The following SCN3A variants were observed in gnomAD, a reference collection of about 807,000 sequenced individuals.
SCN3A encodes the protein sodium channel protein type 3 subunit alpha.
A neutral mutation model predicts 187.6 loss-of-function variants in SCN3A; 60 were observed. The ratio of observed to expected loss-of-function variants is 0.32; its 90% CI spans 0.26 to 0.40. The LOEUF is 0.40. Among genes scored for constraint, SCN3A ranks in the 10% least tolerant of loss-of-function variants. SCN3A has a pLI of 1.00. For missense variants in SCN3A, 1,601 were observed against 2,428.2 expected, an observed-to-expected ratio of 0.66 and a Z score of 7.16; for synonymous variants, 788 against 829.2, an observed-to-expected ratio of 0.95 and a Z score of 0.85.
rs769153045 is a variant in SCN3A, at chr2:165,112,995, T to G, written c.3733A>C (p.Lys1245Gln). 23 of 1,613,048 alleles carry G rather than the reference T, an allele frequency of 1.4e-5. No individual in the cohort carries two copies. The Admixed American group carries it at 3.5e-4, about 25-fold the overall frequency. ...TIKTMLEYAD[K>Q]VFTYIFILEM... is the part of the protein sequence containing the mutation. ...AGAATGAATATATAGGTAAAGACTT[T>G]GTCAGCATATTCTAGCATGGTTTTG... is the stretch of plus-strand genomic sequence containing the variant. Residue 1245 changes from lysine to glutamine, a missense_variant, in exon 21 of 28, where the codon AAA becomes CAA. Transcript: ENST00000283254.
intron 21 of SCN3A, among the ~76,000 whole-genome samples, chr2:165,104,841 T>C (rs1685769104): frequency 6.6e-6 from 1 of 152,182 alleles, no homozygotes; most frequent in Admixed American, 6.5e-5. Context: ...ACTATATCTG[T>C]TTGAACAACA....
intron 18 of SCN3A, among the ~76,000 whole-genome samples, chr2:165,122,254 T>C (rs1207266957): frequency 6.7e-6 from 1 of 149,310 alleles, no homozygotes; most frequent in Non-Finnish European, 1.5e-5. Flanking sequence ...TTTTTTTTTT[T>C]ACAGAACCTT....
chr2:165,176,260 A>G lies in SCN3A; in HGVS notation c.135T>C (p.Asp45=), dbSNP rs768514926. The change falls in exon 3 of 28, where the codon GAT becomes GAC. Residue 45 remains aspartate (D), a synonymous_variant. Transcript: ENST00000283254. ...CACTATTTGGCTTTGGTTTGTTCTC[A>G]TCATCATTATCTTGTTCCTTTTTGG... ...KKPKKEQDND[D]ENKPKPNSDL... 36 of 1,611,610 alleles carry G rather than the reference A, an allele frequency of 2.2e-5. No homozygotes were observed. The highest frequency in any genetic ancestry group is 3.3e-4 in the Middle Eastern group (2 of 6,056).
chr2:165,152,338 C>T (rs66992577), intron 11 of SCN3A, among the ~76,000 whole-genome samples: 1 of 152,064 alleles, frequency 6.6e-6, no homozygotes, highest in Non-Finnish European at 1.5e-5. Flanking sequence ...AGACACAGAT[C>T]AAGCTTGCAG....
intron 1 of SCN3A, among the ~76,000 whole-genome samples, chr2:165,190,561 T>C (rs578171426): frequency 3.4e-5 from 5 of 146,716 alleles, no homozygotes; most frequent in African/African-American, 1.2e-4. Context: ...TATAACTTTA[T>C]ATATAACTAT....
At chr2:165,179,580 T>A (rs1487517470) in intron 2 of SCN3A, 1 of 152,218 alleles carries the variant, frequency 6.6e-6, no homozygotes, top group African/African-American at 2.4e-5. Context: ...AGGGCTGGAA[T>A]AAAGAATTTG....
At chr2:165,181,873 A>G (rs1690898973) in intron 2 of SCN3A, among the ~76,000 whole-genome samples, 1 of 152,184 alleles carries the variant, frequency 6.6e-6, no homozygotes, top group Non-Finnish European at 1.5e-5. Flanking sequence ...ATCATACAGA[A>G]TGTTAAAAAT....
chr2:165,107,783 T>C (rs1685932923), intron 21 of SCN3A, among the ~76,000 whole-genome samples: 1 of 152,170 alleles, frequency 6.6e-6, no homozygotes, highest in Admixed American at 6.5e-5. Context: ...ACCTGTGAAA[T>C]AGAGATAACA....
intron 1 of SCN3A, among the ~76,000 whole-genome samples, chr2:165,187,483 T>C (rs2105957380): frequency 6.6e-6 from 1 of 152,370 alleles, no homozygotes; most frequent in African/African-American, 2.4e-5. Context: ...TATACAATGC[T>C]CATAAGCCAA....
intron 18 of SCN3A, among the ~76,000 whole-genome samples, chr2:165,125,738 A>G (rs1686957511): frequency 6.6e-6 from 1 of 152,176 alleles, no homozygotes; most frequent in Non-Finnish European, 1.5e-5. Context: ...CCTAGTATCC[A>G]GCAGATTGCT....
chr2:165,115,465 A>G lies in SCN3A; in HGVS notation c.3504T>C (p.Cys1168=), dbSNP rs755321939. 1.9e-6 allele frequency: 3 copies of G among 1,613,774 alleles called. No individual in the cohort carries two copies. Among genetic ancestry groups the G allele is most frequent in the Non-Finnish European group, 2.5e-6 (3 of 1,179,910 alleles). The change falls in exon 19 of 28, where the codon TGT becomes TGC. Residue 1168 remains cysteine, a synonymous_variant. Transcript: ENST00000283254. ...EPEEDLKPEA[C]FTEGCIKKFP... is the part of the protein sequence containing the mutation. ...TCAGAGCTTGTTTACCTTCAGTAAA[A>G]CAAGCTTCCGGTTTAAGGTCTTCTT...
Position 165,090,881 on chromosome 2 carries a change from A to T in SCN3A, c.5272T>A (p.Ser1758Thr), listed in dbSNP as rs1181203983. The T allele has an allele frequency of 6.2e-7, 1 of 1,613,984 alleles. No homozygotes were observed. Among genetic ancestry groups the T allele is most frequent in the Admixed American group, 1.7e-5 (1 of 59,988 alleles). The part of the protein sequence containing the change: ...IFFFVSYIII[S>T]FLVVVNMYIA... ...TACATGTTCACCACAACCAGGAAGGATATGATGATGTAACTGACAAAAAAG... is the reference window on the plus strand; with the variant it reads ...TACATGTTCACCACAACCAGGAAGGTTATGATGATGTAACTGACAAAAAAG... The change falls in exon 28 of 28, where the codon TCC becomes ACC. Residue 1758 changes from serine to threonine, a missense_variant. By Grantham distance (58) the Ser-to-Thr change is moderately conservative (BLOSUM62 1). Around this residue, in one of 11 missense-constraint regions of SCN3A, gnomAD observed 3 missense variants for 32.4 expected, o/e 0.09. Transcript: ENST00000283254. This position sits in a 1 kb window ranked among gnomAD's most constrained non-coding sequence, Gnocchi z 4.0.
In SCN3A at chr2:165,092,557, A is replaced by G. The variant is rs549275062; in HGVS notation, c.4537-33T>C. 2.5e-6 allele frequency: 4 copies of G among 1,585,942 alleles called. No individual in the cohort carries two copies. Among genetic ancestry groups the G allele is most frequent in the East Asian group, 2.2e-5 (1 of 44,678 alleles). ...GTGAGAGAAGAGAAATAAGGTTACT[A>G]TATATATTTCATAAAGAATAATGCA... On this transcript the variant is annotated intron_variant, in intron 26 of 27. Transcript: ENST00000283254. This position sits in a 1 kb window ranked among gnomAD's most constrained non-coding sequence, Gnocchi z 4.2.
At chr2:165,124,255 G>A (rs1422895609) in intron 18 of SCN3A, among the ~76,000 whole-genome samples, 2 of 151,798 alleles carry the variant, frequency 1.3e-5, no homozygotes, top group East Asian at 3.9e-4. Flanking sequence ...AATTTATTAT[G>A]TTTAAGCCAT....
chr2:165,122,373 C>T (rs1051993601), intron 18 of SCN3A, among the ~76,000 whole-genome samples: 1 of 150,922 alleles, frequency 6.6e-6, no homozygotes, highest in Non-Finnish European at 1.5e-5. Context: ...GCAGTACTAT[C>T]AGAAAAAAAC....
At chr2:165,107,735 G>A (rs922165322) in intron 21 of SCN3A, among the ~76,000 whole-genome samples, 4 of 152,190 alleles carry the variant, frequency 2.6e-5, no homozygotes, top group Non-Finnish European at 2.9e-5. Flanking sequence ...GTTGGGTAAA[G>A]GTAGCTCTAC....
At chr2:165,118,104 T>C (rs1438358797) in intron 18 of SCN3A, among the ~76,000 whole-genome samples, 1 of 152,194 alleles carries the variant, frequency 6.6e-6, no homozygotes, top group African/African-American at 2.4e-5. Flanking sequence ...GTCATTAGAT[T>C]ACATATATTT....
rs1475318773 is a variant in SCN3A, at chr2:165,154,442, C to T, written c.1380+10G>A. 6.2e-7 allele frequency: 1 copy of T among 1,613,168 alleles called. No individual in the cohort carries two copies. The stretch of plus-strand genomic sequence containing the variant: ...AATAATGATAAATCTTTGCTTTTAT[C>T]ACTCAGTACCTGAGCTTCTTCCTGT... On this transcript the variant is annotated intron_variant, in intron 11 of 27. Coordinates refer to ENST00000283254, the MANE Select transcript of SCN3A (RefSeq NM_006922.4).
At chr2:165,098,786 T>C (rs1685474976) in intron 22 of SCN3A, among the ~76,000 whole-genome samples, 1 of 152,226 alleles carries the variant, frequency 6.6e-6, no homozygotes, top group Admixed American at 6.5e-5. Flanking sequence ...TTGTGCTATA[T>C]GACTGAATTA....
Sources: allele counts gnomAD v4.1 joint callset (sites outside exome capture counted in the v4.1 genomes callset), GRCh38; gene constraint gnomAD v4.1.1; regional missense constraint gnomAD v4.1.1; non-coding constraint Gnocchi (gnomAD v3.1); transcripts MANE v1.5; gene names NCBI Gene and HGNC (gene_info 2026-07-23, HGNC 2026-07-21).